The following SORCS1 variants were observed in gnomAD, a reference collection of about 807,000 sequenced individuals.
The protein encoded by SORCS1 is sortilin related VPS10 domain containing receptor 1.
Under a neutral mutation model 146.1 loss-of-function variants are expected in SORCS1, and 60 were observed. The ratio of observed to expected loss-of-function variants is 0.41; its 90% CI spans 0.33 to 0.51. The LOEUF is 0.51. SORCS1 is among the 20% of genes least tolerant of loss of function. The pLI is 0.21. For synonymous variants in SORCS1, 637 were observed against 584.0 expected, an observed-to-expected ratio of 1.09 and a Z score of -1.31; for missense variants, 1,352 against 1,487.6, an observed-to-expected ratio of 0.91 and a Z score of 1.50.
At chr10:107,173,275 A>T in the SORCS1 span, among the ~76,000 whole-genome samples, 1 of 152,192 alleles carries the variant, frequency 6.6e-6, no homozygotes, top group African/African-American at 2.4e-5. Context: ...AGTTACAGTT[A>T]TATAGGATGA....
intron 6 of SORCS1, among the ~76,000 whole-genome samples, chr10:106,724,906 A>C (rs1330180814): frequency 6.6e-6 from 1 of 152,070 alleles, no homozygotes; most frequent in Non-Finnish European, 1.5e-5. Context: ...TTAGGAGGCC[A>C]GCGTGGGTGG....
intron 18 of SORCS1, among the ~76,000 whole-genome samples, chr10:106,643,105 G>C (rs556894658): frequency 3.0e-4 from 46 of 152,304 alleles, no homozygotes; most frequent in African/African-American, 1.1e-3. Flanking sequence ...AGATACCATA[G>C]ATCCTGGATT....
At chr10:106,768,773 C>T (rs1412488490) in intron 4 of SORCS1, among the ~76,000 whole-genome samples, 1 of 152,190 alleles carries the variant, frequency 6.6e-6, no homozygotes, top group Non-Finnish European at 1.5e-5. Context: ...ATTCCAGCTG[C>T]ACCACACCAG....
At chr10:106,752,003 G>C (rs748687258) in intron 5 of SORCS1, among the ~76,000 whole-genome samples, 1 of 152,084 alleles carries the variant, frequency 6.6e-6, no homozygotes, top group Non-Finnish European at 1.5e-5. Flanking sequence ...GTTACTTAAT[G>C]GTAATAATGA....
intron 5 of SORCS1, among the ~76,000 whole-genome samples, chr10:106,746,452 C>T (rs1184764492): frequency 1.3e-5 from 2 of 152,194 alleles, no homozygotes; most frequent in Non-Finnish European, 2.9e-5. Context: ...GGAAAGTAAT[C>T]TATTCAGTAA....
intron 2 of SORCS1, among the ~76,000 whole-genome samples, chr10:106,956,096 TCCAGC>T (rs1954925269): frequency 6.7e-6 from 1 of 149,820 alleles, no homozygotes; most frequent in African/African-American, 2.5e-5. Context: ...GCCATTGCAC[TCCAGC>T]CTGGGCAACA....
At chr10:106,706,037 G>A (rs1400342704) in intron 8 of SORCS1, among the ~76,000 whole-genome samples, 2 of 152,064 alleles carry the variant, frequency 1.3e-5, no homozygotes, top group African/African-American at 2.4e-5. Flanking sequence ...AGAAATGGAC[G>A]GCAGCTGTTG....
chr10:107,141,971 T>A (rs533652728), intron 1 of SORCS1, among the ~76,000 whole-genome samples: 2 of 152,312 alleles, frequency 1.3e-5, no homozygotes, highest in Admixed American at 1.3e-4. Context: ...CTTGGCAATT[T>A]AAAACACACC....
chr10:106,717,598 T>C (rs1855469464), intron 6 of SORCS1, among the ~76,000 whole-genome samples: 1 of 152,182 alleles, frequency 6.6e-6, no homozygotes, highest in Non-Finnish European at 1.5e-5. Context: ...CAGGAGACCA[T>C]GACTACTACA....
rs145355034 is a variant in SORCS1 at position 106,622,024 on chromosome 10, G to T, written c.2663-1463C>A. Among the ~76,000 whole-genome samples, 94 of 152,214 alleles carry T rather than the reference G, an allele frequency of 6.2e-4. No homozygotes were observed. In the East Asian group the frequency reaches 0.015, roughly 25 times the overall value. ...ATTGGGAATGTGATGTGGTGTGGTG[G>T]CTCATGCCTGTAATCCCGACACTTT... On this transcript the variant is annotated intron_variant, in intron 19 of 25. Coordinates refer to ENST00000263054, the MANE Select transcript of SORCS1 (RefSeq NM_052918.5).
chr10:106,807,119 G>T (rs2136722520), intron 3 of SORCS1, among the ~76,000 whole-genome samples: 1 of 151,982 alleles, frequency 6.6e-6, no homozygotes, highest in African/African-American at 2.4e-5. Flanking sequence ...AGCTTGTACT[G>T]CAGTGTTGGT....
chr10:106,820,785 C>A (rs1243345609), intron 3 of SORCS1, among the ~76,000 whole-genome samples: 1 of 152,184 alleles, frequency 6.6e-6, no homozygotes, highest in Non-Finnish European at 1.5e-5. Context: ...GTATGTCAAA[C>A]ACAAGATGAC....
chr10:106,664,892 T>C (rs1434371473), intron 17 of SORCS1, among the ~76,000 whole-genome samples: 2 of 152,190 alleles, frequency 1.3e-5, no homozygotes, highest in East Asian at 3.9e-4. Flanking sequence ...AACATGCTAG[T>C]ACCAGCAAGT....
At chr10:106,830,524 T>C (rs11597875) in intron 2 of SORCS1, among the ~76,000 whole-genome samples, 43,359 of 151,536 alleles carry the variant, frequency 0.29, 7,239 homozygotes, top group Non-Finnish European at 0.39. Flanking sequence ...AATTCAGGTA[T>C]TTTCGCCTAG....
chr10:107,066,217 G>T (rs984954831), intron 1 of SORCS1, among the ~76,000 whole-genome samples: 6 of 151,968 alleles, frequency 3.9e-5, no homozygotes, highest in African/African-American at 1.2e-4. Context: ...CATGCTTGGG[G>T]TTCCAAGCAT....
chr10:106,840,969 C>T (rs1360217832), intron 2 of SORCS1, among the ~76,000 whole-genome samples: 2 of 151,242 alleles, frequency 1.3e-5, no homozygotes, highest in Admixed American at 6.6e-5. Context: ...GATTCCCCTA[C>T]CTCAGCCTCC....
intron 2 of SORCS1, among the ~76,000 whole-genome samples, chr10:106,839,444 A>G (rs1334759301): frequency 6.6e-6 from 1 of 152,246 alleles, no homozygotes; most frequent in Non-Finnish European, 1.5e-5. Context: ...ATGAAGGCCA[A>G]GAGGTGAAGA....
At chr10:106,647,009 A>G (rs1322016) in intron 18 of SORCS1, among the ~76,000 whole-genome samples, 184 of 594 alleles carry the variant, frequency 0.31, 1 homozygote, top group Middle Eastern at 0.5. Context: ...TTGTATGTGT[A>G]TATATATATA....
At chr10:106,914,553 A>G (rs146943013) in intron 2 of SORCS1, among the ~76,000 whole-genome samples, 45 of 152,310 alleles carry the variant, frequency 3.0e-4, no homozygotes, top group African/African-American at 9.9e-4. Flanking sequence ...ACTGAGATCA[A>G]TGGCGGCCAT....
Sources: allele counts gnomAD v4.1 joint callset (sites outside exome capture counted in the v4.1 genomes callset), GRCh38; gene constraint gnomAD v4.1.1; transcripts MANE v1.5; gene names NCBI Gene and HGNC (gene_info 2026-07-23, HGNC 2026-07-21).